Variants in CRB1 observed in about 807,000 individuals in gnomAD.
CRB1 encodes the protein protein crumbs homolog 1.
CRB1 carries 83 observed loss-of-function variants against 120.0 expected under a neutral mutation model. The observed-to-expected ratio is 0.69, with a 90% confidence interval of 0.58 to 0.83. The LOEUF (loss-of-function observed/expected upper bound fraction) is 0.83. Among genes scored for constraint, CRB1 ranks in the 40% least tolerant of loss-of-function variants. The probability of loss-of-function intolerance (pLI) is 0.00; values close to 1 mark genes in which losing one functional copy is unlikely to be tolerated. For missense variants in CRB1, 1,699 were observed against 1,687.6 expected (o/e 1.01, Z -0.12); for synonymous variants, 625 against 612.5 (o/e 1.02, Z -0.30).
chr1:197,435,874 A>G (rs1453091547), intron 9 of CRB1, among the ~76,000 whole-genome samples: 1 of 152,106 alleles, frequency 6.6e-6, no homozygotes, highest in Non-Finnish European at 1.5e-5. Flanking sequence ...TGTCTCATGA[A>G]CTGTAGCCCC....
At chr1:197,255,996 T>TATATATATATATATATACACAC in the CRB1 span, among the ~76,000 whole-genome samples, 8 of 116,706 alleles carry the variant, frequency 6.9e-5, no homozygotes, top group Non-Finnish European at 1.4e-4. Flanking sequence ...TATATATATA[T>TATATATATATATATATACACAC]ACACTACAAT....
chr1:197,305,543 A>G (rs565067809), intron 1 of CRB1, among the ~76,000 whole-genome samples: 1 of 151,940 alleles, frequency 6.6e-6, no homozygotes, highest in South Asian at 2.1e-4. Context: ...ATATACATAT[A>G]TATAGAGAGA....
intron 5 of CRB1, among the ~76,000 whole-genome samples, chr1:197,396,084 T>C (rs1042081934): frequency 6.6e-6 from 1 of 152,180 alleles, no homozygotes; most frequent in Non-Finnish European, 1.5e-5. Context: ...TGATTGTTTA[T>C]ACAGAAAATT....
chr1:197,394,298 G>A (rs1662660249), intron 5 of CRB1, among the ~76,000 whole-genome samples: 1 of 151,924 alleles, frequency 6.6e-6, no homozygotes, highest in African/African-American at 2.4e-5. Context: ...GTTTTCCTCT[G>A]AATTACTTTA....
chr1:197,474,761 G>A (rs1281638954), intron 11 of CRB1, among the ~76,000 whole-genome samples: 1 of 152,158 alleles, frequency 6.6e-6, no homozygotes, highest in East Asian at 1.9e-4. Context: ...CTCTCATCCA[G>A]GAGAACCGCC....
chr1:197,404,311 G>A (rs1285703395), intron 5 of CRB1, among the ~76,000 whole-genome samples: 1 of 151,898 alleles, frequency 6.6e-6, no homozygotes, highest in African/African-American at 2.4e-5. Context: ...GTGGAACTTC[G>A]GACGCCTGTA....
Position 197,435,156 on chromosome 1 carries a change from G to A in CRB1, c.3293G>A (p.Ser1098Asn). Residue 1098 changes from serine (S) to asparagine (N), a missense_variant, in exon 9 of 12, where the codon AGT (serine) becomes AAT (asparagine). Ser to Asn is a conservative substitution (Grantham distance 46). Transcript: ENST00000367400. ...DNIKGLQGCL[S>N]TIEIGGIYLS... ...ATAAAGGGCCTGCAAGGGTGTCTAA[G>A]TACAATAGAAATCGGAGGCATTTAT... The A allele has an allele frequency of 6.2e-7, 1 of 1,613,918 alleles. No individual in the cohort carries two copies. Among genetic ancestry groups the A allele is most frequent in the African/African-American group, 1.3e-5 (1 of 75,044 alleles).
chr1:197,349,896 C>T (rs543788852), intron 4 of CRB1, among the ~76,000 whole-genome samples: 2 of 151,472 alleles, frequency 1.3e-5, no homozygotes, highest in South Asian at 2.1e-4. Flanking sequence ...GTCAGGAGAT[C>T]GAGACCATCC....
At chr1:197,415,135 A>G (rs1328463938) in intron 5 of CRB1, among the ~76,000 whole-genome samples, 1 of 152,252 alleles carries the variant, frequency 6.6e-6, no homozygotes, top group Non-Finnish European at 1.5e-5. Context: ...AAAAAACAGT[A>G]GGCAATGGTA....
At chr1:197,324,884 A>G (rs1658405676) in intron 1 of CRB1, among the ~76,000 whole-genome samples, 1 of 152,190 alleles carries the variant, frequency 6.6e-6, no homozygotes, top group Non-Finnish European at 1.5e-5. Flanking sequence ...AATTGGCCTC[A>G]ATTTAGTATT....
intron 5 of CRB1, among the ~76,000 whole-genome samples, chr1:197,380,424 G>T (rs1661890573): frequency 1.3e-5 from 2 of 152,148 alleles, no homozygotes; most frequent in Admixed American, 1.3e-4. Flanking sequence ...CCATCCAGCT[G>T]TGGTCATTCA....
chr1:197,452,686 A>G (rs1226712688), intron 11 of CRB1, among the ~76,000 whole-genome samples: 1 of 152,196 alleles, frequency 6.6e-6, no homozygotes, highest in Non-Finnish European at 1.5e-5. Context: ...ACCTGGGAGT[A>G]CTTACTTCCA....
intron 8 of CRB1, among the ~76,000 whole-genome samples, chr1:197,434,039 A>G (rs1036189771): frequency 1.3e-5 from 2 of 152,146 alleles, no homozygotes; most frequent in Non-Finnish European, 2.9e-5. Flanking sequence ...TTAATAGAGA[A>G]ATGCAATAGG....
At chr1:197,455,726 A>T (rs530490619) in intron 11 of CRB1, among the ~76,000 whole-genome samples, 7 of 152,280 alleles carry the variant, frequency 4.6e-5, no homozygotes, top group Admixed American at 2.6e-4. Flanking sequence ...AACTTCCATG[A>T]ATCATAATAC....
At position 197,422,133 on chromosome 1, in the gene CRB1, A is replaced by G. The variant is rs898043354; in HGVS notation, c.2128+177A>G. On this transcript the variant is annotated intron_variant, in intron 6 of 11. Coordinates refer to ENST00000367400, the MANE Select transcript of CRB1 (RefSeq NM_201253.3). ...AGAGGGCAGTGATGTGCGTTAATTA[A>G]TTTTGAGTGGATTCATAGGACATCA... Among the ~76,000 whole-genome samples, 21 of 152,232 alleles carry G rather than the reference A, an allele frequency of 1.4e-4. 1 individual carries two copies. The highest frequency in any genetic ancestry group is 9.8e-4 in the Admixed American group (15 of 15,286).
chr1:197,354,324 G>C (rs1413702241), intron 4 of CRB1, among the ~76,000 whole-genome samples: 1 of 152,168 alleles, frequency 6.6e-6, no homozygotes, highest in Non-Finnish European at 1.5e-5. Context: ...CGCTTACACA[G>C]ACAGCCATGT....
At chr1:197,433,093 A>T (rs1664954404) in intron 8 of CRB1, among the ~76,000 whole-genome samples, 1 of 147,218 alleles carries the variant, frequency 6.8e-6, no homozygotes, top group African/African-American at 2.5e-5. Flanking sequence ...ACGGGGTCTT[A>T]TTATGTTGCC....
intron 1 of CRB1, among the ~76,000 whole-genome samples, chr1:197,298,622 C>G (rs1416231047): frequency 2.0e-5 from 3 of 151,950 alleles, no homozygotes; most frequent in Non-Finnish European, 4.4e-5. Flanking sequence ...GGAATATGTC[C>G]TACCAGATAA....
intron 10 of CRB1, chr1:197,441,084 T>G (rs923413600): frequency 6.6e-6 from 1 of 152,250 alleles, no homozygotes; most frequent in Non-Finnish European, 1.5e-5. Context: ...GCCTAGTGAT[T>G]AGTCTCTGAC....
Sources: allele counts gnomAD v4.1 joint callset (sites outside exome capture counted in the v4.1 genomes callset), GRCh38; gene constraint gnomAD v4.1.1; transcripts MANE v1.5; gene names NCBI Gene and HGNC (gene_info 2026-07-23, HGNC 2026-07-21).